Variants in ANKS6 observed in about 807,000 individuals in gnomAD.
ANKS6 encodes the protein ankyrin repeat and sterile alpha motif domain containing 6, also known as ankyrin repeat and SAM domain-containing protein 6.
ANKS6 carries 47 observed loss-of-function variants against 77.9 expected under a neutral mutation model. The observed-to-expected ratio is 0.60, with a 90% CI of 0.48 to 0.77. The LOEUF is 0.77. Ranked by LOEUF, ANKS6 falls within the 30% of genes least tolerant of loss-of-function variation. ANKS6 has a pLI of 0.00. For missense variants in ANKS6, 1,150 were observed against 1,159.1 expected, an observed-to-expected ratio of 0.99 and a Z score of 0.11; for synonymous variants, 488 against 501.7, an observed-to-expected ratio of 0.97 and a Z score of 0.37.
At chr9:98,784,956 C>A in intron 2 of ANKS6, 80 bp from the exon 3 acceptor site, 1 of 1,305,932 alleles carries the variant, frequency 7.7e-7, no homozygotes, top group South Asian at 1.3e-5. Context: ...AACAACACAG[C>A]CTGGCTTTAA....
In ANKS6 at chr9:98,791,404, A is replaced by G. The variant is rs547558906; in HGVS notation, c.360-798T>C. ...CCCAGCCTAGGCCAGATCTTCCTCA[A>G]TGAAGTCACTGCTGGGCCCCTGAAG... On this transcript the variant is annotated intron_variant, in intron 1 of 14. Coordinates refer to ENST00000353234, the MANE Select transcript of ANKS6 (RefSeq NM_173551.5). The surrounding 1 kb of genome is among the most constrained non-coding windows in gnomAD (Gnocchi z 4.3). Among the ~76,000 whole-genome samples the G allele has an allele frequency of 4.6e-5, 7 of 152,304 alleles. No individual in the cohort carries two copies. The highest frequency in any genetic ancestry group is 3.9e-4 in the East Asian group (2 of 5,182).
At chr9:98,773,574 C>A (rs1014688973) in intron 9 of ANKS6, among the ~76,000 whole-genome samples, 16 of 152,296 alleles carry the variant, frequency 1.1e-4, no homozygotes, top group East Asian at 1.9e-4. Flanking sequence ...CCCTGGGTCC[C>A]AGTTTCCTCA....
In ANKS6 at chr9:98,747,756, A is replaced by G. The variant is rs1832216571; in HGVS notation, c.2395-2081T>C. 2.0e-5 allele frequency among the ~76,000 whole-genome samples: 3 copies of G among 152,052 alleles called. No homozygotes were observed. The South Asian group carries it at 6.2e-4, about 32-fold the overall frequency. On this transcript the variant is annotated intron_variant, in intron 13 of 14. Coordinates refer to ENST00000353234, the MANE Select transcript of ANKS6 (RefSeq NM_173551.5). Reference sequence around the variant, plus strand: ...CCTAACTGGTCTTTCCCTCCCAGTTATTCTTCCCCTTCTGCCCTTCCAACC... The same window carrying G: ...CCTAACTGGTCTTTCCCTCCCAGTTGTTCTTCCCCTTCTGCCCTTCCAACC...
intron 12 of ANKS6, among the ~76,000 whole-genome samples, chr9:98,755,709 C>T (rs765672966): frequency 1.3e-5 from 2 of 152,188 alleles, no homozygotes; most frequent in African/African-American, 4.8e-5. Flanking sequence ...ACCCCAACTC[C>T]GCTCCAAAGC....
Position 98,733,465 on chromosome 9 carries a change from C to G in ANKS6, c.*3054G>C, listed in dbSNP as rs879063319. ...GGACCCTGCCATCTCAAAGCAGGAC[C>G]GGTCCCCTGATGTCCCACTGCCAAG... On this transcript the variant is annotated 3_prime_UTR_variant, in exon 15 of 15. Coordinates refer to ENST00000353234, the MANE Select transcript of ANKS6 (RefSeq NM_173551.5). The G allele has an allele frequency of 1.0e-6, 1 of 985,374 alleles. No individual in the cohort carries two copies. 61.0% of individuals were successfully genotyped at this position (985,374 alleles called of 1,614,324 possible).
rs199722684 is a variant in ANKS6, at chr9:98,756,479, G to A, written c.2267C>T (p.Ser756Leu). The change falls in exon 12 of 15, where the codon TCA becomes TTA. Residue 756 changes from serine (S) to leucine (L), a missense_variant. Coordinates refer to ENST00000353234, the MANE Select transcript of ANKS6 (RefSeq NM_173551.5). ...ACTGCTCTTGGACTGCCGATGGGAT[G>A]ACGAGGAAGACACTGAGGACTCTGC... ...HTAESSVSSS[S>L]SHRQSKSSGG... 4.5e-4 allele frequency: 732 copies of A among 1,613,710 alleles called. 1 individual carries two copies. The highest frequency in any genetic ancestry group is 4.0e-3 in the Middle Eastern group (24 of 6,060).
chr9:98,765,822 G>C (rs1023484056), intron 11 of ANKS6, among the ~76,000 whole-genome samples: 2 of 152,114 alleles, frequency 1.3e-5, no homozygotes, highest in African/African-American at 4.8e-5. Flanking sequence ...CCATTACAGC[G>C]AGTTATTTTA....
At chr9:98,783,838 T>A in intron 4 of ANKS6, 115 bp downstream of exon 4, 9 of 739,402 alleles carry the variant, frequency 1.2e-5, no homozygotes, top group Non-Finnish European at 1.5e-5. Context: ...AATGTCGTCA[T>A]AGTCCTGGGG....
intron 11 of ANKS6, among the ~76,000 whole-genome samples, chr9:98,757,198 C>G (rs1250643299): frequency 6.6e-6 from 1 of 152,170 alleles, no homozygotes; most frequent in African/African-American, 2.4e-5. Flanking sequence ...GTATAATGAT[C>G]AAAACTAACA....
intron 8 of ANKS6, among the ~76,000 whole-genome samples, chr9:98,775,846 T>C (rs929789610): frequency 2.6e-5 from 4 of 152,198 alleles, no homozygotes; most frequent in African/African-American, 9.7e-5. Flanking sequence ...TTTAATAACA[T>C]GATCAAACGT....
chr9:98,795,157 T>C (rs1211834558), intron 1 of ANKS6, among the ~76,000 whole-genome samples: 1 of 152,118 alleles, frequency 6.6e-6, no homozygotes, highest in African/African-American at 2.4e-5. Flanking sequence ...ACTCCCTGAA[T>C]ATATCACAAA....
In ANKS6 at chr9:98,732,801, A is replaced by T; in HGVS notation, c.*3718T>A. The T allele has an allele frequency of 7.5e-7, 1 of 1,338,708 alleles. No homozygotes were observed. The highest frequency in any genetic ancestry group is 9.6e-7 in the Non-Finnish European group (1 of 1,046,050). The allele number at this position is 1,338,708 out of a possible 1,614,324, so 82.9% of individuals were successfully genotyped here. A position where few individuals can be genotyped will look rare whatever the true frequency, so the allele number is the denominator to read the frequency against. ...CTATGTCCAGTGCTCTTTCCAGGGT[A>T]ACAGGTTGCTTCTACTCATTTTAAA... On this transcript the variant is annotated 3_prime_UTR_variant, in exon 15 of 15. Coordinates refer to ENST00000353234, the MANE Select transcript of ANKS6 (RefSeq NM_173551.5).
intron 8 of ANKS6, among the ~76,000 whole-genome samples, chr9:98,775,573 T>G (rs1448775237): frequency 1.3e-5 from 2 of 152,218 alleles, no homozygotes; most frequent in Non-Finnish European, 2.9e-5. Flanking sequence ...AGCTGATACA[T>G]GCAAAGTGCG....
rs778691931 is a variant in ANKS6 at position 98,768,051 on chromosome 9, T to A, written c.2142+30A>T. ...CATGTTAGAACAGAATCTGTGAGTG[T>A]AACAGGAGGAGGCCACACAAAACAA... On this transcript the variant is annotated intron_variant, in intron 11 of 14. Coordinates refer to ENST00000353234, the MANE Select transcript of ANKS6 (RefSeq NM_173551.5). 3.2e-6 allele frequency: 5 copies of A among 1,580,898 alleles called. No individual in the cohort carries two copies. The East Asian group carries it at 1.1e-4, about 36-fold the overall frequency.
chr9:98,757,038 G>A (rs111954833), intron 11 of ANKS6, among the ~76,000 whole-genome samples: 880 of 152,216 alleles, frequency 5.8e-3, no homozygotes, highest in Non-Finnish European at 8.6e-3. Context: ...CAAAGAACAC[G>A]TATTCTTCCC....
At chr9:98,755,352 C>T (rs1350737243) in intron 12 of ANKS6, among the ~76,000 whole-genome samples, 1 of 152,202 alleles carries the variant, frequency 6.6e-6, no homozygotes, top group Non-Finnish European at 1.5e-5. Flanking sequence ...CCAGGTCTCA[C>T]CAAAGCTTCC....
At chr9:98,744,619 T>C (rs980028118) in intron 14 of ANKS6, among the ~76,000 whole-genome samples, 2 of 152,080 alleles carry the variant, frequency 1.3e-5, no homozygotes, top group Non-Finnish European at 2.9e-5. Context: ...CTGTGCATAG[T>C]CCAGCAACAT....
At chr9:98,769,997 T>TA (rs1415470751) in intron 10 of ANKS6, among the ~76,000 whole-genome samples, 1 of 152,200 alleles carries the variant, frequency 6.6e-6, no homozygotes, top group African/African-American at 2.4e-5. Context: ...CATCTGGTCT[T>TA]AAAGCTTTTT....
At chr9:98,775,161 C>T (rs1050070635) in intron 8 of ANKS6, among the ~76,000 whole-genome samples, 7 of 152,226 alleles carry the variant, frequency 4.6e-5, no homozygotes, top group African/African-American at 1.4e-4. Flanking sequence ...GCGACAAATC[C>T]ACCACCACAA....
Sources: allele counts gnomAD v4.1 joint callset (sites outside exome capture counted in the v4.1 genomes callset), GRCh38; gene constraint gnomAD v4.1.1; non-coding constraint Gnocchi (gnomAD v3.1); transcripts MANE v1.5; gene names NCBI Gene and HGNC (gene_info 2026-07-23, HGNC 2026-07-21).